DPP10: variants seen among roughly 807,000 people sequenced by gnomAD.
The protein encoded by DPP10 is inactive dipeptidyl peptidase 10.
A neutral mutation model predicts 120.9 loss-of-function variants in DPP10; 33 were observed. That is an observed-to-expected ratio of 0.27 (90% CI 0.21 to 0.37). The LOEUF (loss-of-function observed/expected upper bound fraction) is 0.37. Among genes scored for constraint, DPP10 ranks in the 10% least tolerant of loss-of-function variants. The pLI, the probability that DPP10 is intolerant of heterozygous loss-of-function variation, is 1.00. For synonymous variants in DPP10, 337 were observed against 326.1 expected, an observed-to-expected ratio of 1.03 and a Z score of -0.36; for missense variants, 816 against 942.8, an observed-to-expected ratio of 0.87 and a Z score of 1.76.
intron 5 of DPP10, among the ~76,000 whole-genome samples, chr2:115,610,758 A>G (rs2084042249): frequency 6.6e-6 from 1 of 152,162 alleles, no homozygotes; most frequent in Admixed American, 6.6e-5. Flanking sequence ...TTTAAATTCT[A>G]TATATCTGCT....
intron 21 of DPP10, among the ~76,000 whole-genome samples, chr2:115,835,806 T>G (rs909672122): frequency 3.9e-5 from 6 of 152,162 alleles, no homozygotes; most frequent in Non-Finnish European, 8.8e-5. Context: ...AATAAGTGCT[T>G]TATTTCCCTA....
chr2:114,616,700 G>T (rs1232781803), intron 1 of DPP10, among the ~76,000 whole-genome samples: 1 of 152,072 alleles, frequency 6.6e-6, no homozygotes, highest in Non-Finnish European at 1.5e-5. Context: ...TAAGGAAGTG[G>T]TCATCAATAA....
intron 8 of DPP10, among the ~76,000 whole-genome samples, 196 bp from the exon 9 acceptor site, chr2:115,739,542 TC>T (rs887563822): frequency 6.6e-6 from 1 of 152,162 alleles, no homozygotes; most frequent in African/African-American, 2.4e-5. Context: ...CTTCATTGTT[TC>T]CTTCCTCTAC....
At chr2:115,098,381 T>C (rs2048506121) in intron 1 of DPP10, among the ~76,000 whole-genome samples, 1 of 152,204 alleles carries the variant, frequency 6.6e-6, no homozygotes, top group African/African-American at 2.4e-5. Context: ...TTCTGAGAAA[T>C]GGGTCCTTAT....
At chr2:114,585,765 T>C (rs748504754) in intron 1 of DPP10, among the ~76,000 whole-genome samples, 9 of 152,172 alleles carry the variant, frequency 5.9e-5, no homozygotes, top group Non-Finnish European at 1.3e-4. Context: ...AATTGGATTT[T>C]CTCTCAACTT....
chr2:115,435,526 C>T (rs2071416198), intron 3 of DPP10, among the ~76,000 whole-genome samples: 1 of 151,798 alleles, frequency 6.6e-6, no homozygotes, highest in Non-Finnish European at 1.5e-5. Flanking sequence ...GGTCCTTTGC[C>T]AATTTTTAAT....
intron 1 of DPP10, among the ~76,000 whole-genome samples, chr2:114,808,747 G>C (rs11883994): frequency 0.012 from 1,840 of 151,744 alleles, 38 homozygotes; most frequent in African/African-American, 0.042. Context: ...TCCCCACCTG[G>C]GACCCTTGTA....
intron 5 of DPP10, among the ~76,000 whole-genome samples, chr2:115,681,894 A>G (rs1483783626): frequency 1.3e-5 from 2 of 151,296 alleles, no homozygotes; most frequent in Non-Finnish European, 3.0e-5. Context: ...ATTTGATCCT[A>G]TTGAAATGAA....
intron 1 of DPP10, among the ~76,000 whole-genome samples, chr2:114,827,617 G>A (rs1246259817): frequency 6.6e-6 from 1 of 152,142 alleles, no homozygotes; most frequent in Non-Finnish European, 1.5e-5. Context: ...CTTGCTTTGT[G>A]TGTGTGTGTG....
chr2:115,739,698 C>T (rs1177649274), intron 8 of DPP10, 41 bp from the exon 9 acceptor site: 1 of 1,601,264 alleles, frequency 6.2e-7, no homozygotes, highest in Admixed American at 1.7e-5. Context: ...ACTGAGCCCA[C>T]ATCTCTACAG....
chr2:114,882,467 A>G (rs1004862445), intron 1 of DPP10, among the ~76,000 whole-genome samples: 1 of 150,358 alleles, frequency 6.7e-6, no homozygotes, highest in Non-Finnish European at 1.5e-5. Context: ...GGGGATGTAA[A>G]GGCATAAGAA....
rs995306964 is a variant in DPP10 at position 115,564,406 on chromosome 2, A to C, written c.441+38434A>C. Among the ~76,000 whole-genome samples the C allele has an allele frequency of 2.6e-5, 4 of 152,170 alleles. No homozygotes were observed. In the East Asian group the frequency reaches 7.7e-4, roughly 29 times the overall value. On this transcript the variant is annotated intron_variant, in intron 5 of 25. Transcript: ENST00000410059. ...AACTTCTAGAATATTTTCCATTTGG[A>C]AGTCTATTTTTCACGGAAATAGAGC...
At chr2:115,423,513 T>C (rs1385030135) in intron 3 of DPP10, among the ~76,000 whole-genome samples, 1 of 152,120 alleles carries the variant, frequency 6.6e-6, no homozygotes, top group Non-Finnish European at 1.5e-5. Context: ...TAGAGAGAGC[T>C]GTTTCTGTCT....
At chr2:115,166,203 G>T (rs953695591) in intron 1 of DPP10, among the ~76,000 whole-genome samples, 2 of 151,892 alleles carry the variant, frequency 1.3e-5, no homozygotes, top group Non-Finnish European at 1.5e-5. Flanking sequence ...ATTCTTCCAT[G>T]TGCCCTTTGC....
At chr2:114,815,730 T>C (rs1685587829) in intron 1 of DPP10, among the ~76,000 whole-genome samples, 1 of 152,098 alleles carries the variant, frequency 6.6e-6, no homozygotes, top group Admixed American at 6.6e-5. Flanking sequence ...CTGAGAGCAA[T>C]GGAGTTGTGT....
intron 1 of DPP10, among the ~76,000 whole-genome samples, chr2:114,494,229 ACTT>A (rs938700745): frequency 1.5e-4 from 23 of 152,062 alleles, no homozygotes; most frequent in Non-Finnish European, 3.1e-4. Flanking sequence ...AAGTTACTCA[ACTT>A]CTTCTGCCTC....
At chr2:115,634,093 A>G (rs1371497528) in intron 5 of DPP10, among the ~76,000 whole-genome samples, 1 of 151,664 alleles carries the variant, frequency 6.6e-6, no homozygotes, top group Non-Finnish European at 1.5e-5. Context: ...TGATACTTGT[A>G]TTTGCATTGT....
chr2:115,467,467 C>T (rs2074401821), intron 3 of DPP10, among the ~76,000 whole-genome samples: 1 of 151,858 alleles, frequency 6.6e-6, no homozygotes, highest in Non-Finnish European at 1.5e-5. Flanking sequence ...ATCCCAGCTA[C>T]TCAGGAGGCT....
At chr2:115,148,430 A>T (rs946318191) in intron 1 of DPP10, among the ~76,000 whole-genome samples, 22 of 152,274 alleles carry the variant, frequency 1.4e-4, no homozygotes, top group African/African-American at 4.8e-4. Flanking sequence ...GCTAACTCTG[A>T]GGAGGTCTAA....
Sources: gnomAD v4.1 joint callset for allele counts (sites outside exome capture counted in the v4.1 genomes callset) on GRCh38, gnomAD v4.1.1 for gene constraint, MANE v1.5 for transcripts, NCBI Gene and HGNC (gene_info 2026-07-23, HGNC 2026-07-21) for gene names.